The following SREBF1 variants were observed in gnomAD, a reference collection of about 807,000 sequenced individuals.
SREBF1 encodes the protein sterol regulatory element-binding protein 1.
A neutral mutation model predicts 100.1 loss-of-function variants in SREBF1; 45 were observed. The observed-to-expected ratio is 0.45, with a 90% CI of 0.35 to 0.58. SREBF1 has a LOEUF of 0.58. Among genes scored for constraint, SREBF1 ranks in the 20% least tolerant of loss-of-function variants. The pLI is 0.00. For missense variants in SREBF1, 1,324 were observed against 1,539.4 expected, an observed-to-expected ratio of 0.86 and a Z score of 2.34; for synonymous variants, 657 against 681.8, an observed-to-expected ratio of 0.96 and a Z score of 0.57.
intron 1 of SREBF1, among the ~76,000 whole-genome samples, chr17:17,827,396 T>C (rs1283938918): frequency 6.6e-6 from 1 of 152,192 alleles, no homozygotes; most frequent in African/African-American, 2.4e-5. Context: ...CCTCTCGGCC[T>C]GCTAATGGAG....
intron 10 of SREBF1, 21 bp from the exon 11 acceptor site, chr17:17,816,394 A>G: frequency 6.3e-7 from 1 of 1,595,502 alleles, no homozygotes; most frequent in Non-Finnish European, 8.5e-7. Flanking sequence ...AGCAGGCATG[A>G]GGCTGTGGGT....
intron 1 of SREBF1, chr17:17,820,787 C>T (rs57966878): frequency 0.01 from 5,391 of 525,136 alleles, 224 homozygotes; most frequent in African/African-American, 0.09. Context: ...CCACAAGGCT[C>T]ACAATCTTGC....
chr17:17,814,554 G>T, intron 15 of SREBF1, 61 bp downstream of exon 15: 1 of 1,536,066 alleles, frequency 6.5e-7, no homozygotes, highest in Non-Finnish European at 8.7e-7. Context: ...GAGGCACAGT[G>T]CCCAGGGGAT....
At position 17,811,559 on chromosome 17, in the gene SREBF1, T is replaced by A; in HGVS notation, c.*1063A>T. The stretch of plus-strand genomic sequence containing the variant: ...GCTGGGGGGGGGGGCATGAATGGAG[T>A]CAGGGAGTCGGCCTTTCACAGAACA... On this transcript the variant is annotated 3_prime_UTR_variant, in exon 19 of 19. Transcript: ENST00000261646. The A allele has an allele frequency of 3.2e-6, 1 of 310,372 alleles. No individual in the cohort carries two copies. Among genetic ancestry groups the A allele is most frequent in the Non-Finnish European group, 6.1e-6 (1 of 163,376 alleles). The allele number at this position is 310,372 out of a possible 1,614,324, so 19.2% of individuals were successfully genotyped here. A position where few individuals can be genotyped will look rare whatever the true frequency, so the allele number is the denominator to read the frequency against.
intron 6 of SREBF1, 61 bp downstream of exon 6, chr17:17,818,199 C>T: frequency 4.9e-6 from 7 of 1,430,498 alleles, no homozygotes; most frequent in Non-Finnish European, 6.9e-6. Context: ...GGGGTGGGGC[C>T]GGGAGGTGGA....
intron 1 of SREBF1, among the ~76,000 whole-genome samples, chr17:17,826,441 C>A (rs928747173): frequency 1.3e-5 from 2 of 152,122 alleles, no homozygotes; most frequent in Non-Finnish European, 1.5e-5. Context: ...CTGTGGCACC[C>A]AAATTGCGGC....
chr17:17,833,883 A>G lies in SREBF1; in HGVS notation c.91+2844T>C, dbSNP rs1598143658. Reference sequence around the variant, plus strand: ...ATCCCAGCTACTTGGGAGCTGGAGAATCTCTTGAACCTGAGAGGCAGAGTT... The same window carrying G: ...ATCCCAGCTACTTGGGAGCTGGAGAGTCTCTTGAACCTGAGAGGCAGAGTT... On this transcript the variant is annotated intron_variant, in intron 1 of 18. Coordinates refer to ENST00000261646, the MANE Select transcript of SREBF1 (RefSeq NM_004176.5). Among the ~76,000 whole-genome samples, 3 of 152,164 alleles carry G rather than the reference A, an allele frequency of 2.0e-5. No homozygotes were observed. The South Asian group carries it at 6.2e-4, about 32-fold the overall frequency.
At chr17:17,828,810 A>G (rs1380764340) in intron 1 of SREBF1, among the ~76,000 whole-genome samples, 4 of 152,138 alleles carry the variant, frequency 2.6e-5, no homozygotes. Context: ...ATTACTCTGG[A>G]GGCTGAGGTG....
rs1250349242 is a variant in SREBF1, at chr17:17,824,707, C to T, written c.92-4186G>A. The stretch of plus-strand genomic sequence containing the variant: ...CAGGCCAGCGCCTCTGCCTGGTCCA[C>T]ACCCCAGTTGGCTGCAACCTGAGAG... On this transcript the variant is annotated intron_variant, in intron 1 of 18. Transcript: ENST00000261646. The surrounding 1 kb of genome is among the most constrained non-coding windows in gnomAD (Gnocchi z 4.2). 6.6e-6 allele frequency among the ~76,000 whole-genome samples: 1 copy of T among 152,260 alleles called. No homozygotes were observed. The highest frequency in any genetic ancestry group is 2.4e-5 in the African/African-American group (1 of 41,468).
At chr17:17,813,799 C>G in intron 16 of SREBF1, 30 bp from the exon 17 acceptor site, 1 of 1,534,486 alleles carries the variant, frequency 6.5e-7, no homozygotes. Context: ...CAGGGGTCAC[C>G]AGGGCTCCAG....
At chr17:17,813,249 C>G (rs891702404) in intron 18 of SREBF1, 119 bp downstream of exon 18, 9 of 1,104,892 alleles carry the variant, frequency 8.1e-6, no homozygotes, top group African/African-American at 6.2e-5. Context: ...GTGTGAGCCA[C>G]TGCGCCAGGC....
intron 1 of SREBF1, among the ~76,000 whole-genome samples, chr17:17,833,420 C>CAAA (rs56369932): frequency 1.1e-3 from 57 of 51,080 alleles, no homozygotes; most frequent in South Asian, 2.0e-3. Context: ...GACTCCGTCT[C>CAAA]AAAAAAAAAA....
chr17:17,818,988 T>C, intron 5 of SREBF1, 25 bp downstream of exon 5: 4 of 1,608,634 alleles, frequency 2.5e-6, no homozygotes, highest in Non-Finnish European at 3.4e-6. Flanking sequence ...CACCCCGGTC[T>C]GTGCCCCTGC....
chr17:17,814,660 A>G lies in SREBF1; in HGVS notation c.2690T>C (p.Leu897Pro). ...GGGCAGGTGCTCCACCAGCGGGCAC[A>G]GCCGCTCAGCCGCCTCCTCATCCCG... ...LRRDEEAAER[L>P]CPLVEHLPRV... Residue 897 changes from leucine (L) to proline (P), a missense_variant, in exon 15 of 19, where the codon CTG becomes CCG. Coordinates refer to ENST00000261646, the MANE Select transcript of SREBF1 (RefSeq NM_004176.5). 6.4e-7 allele frequency: 1 copy of G among 1,563,060 alleles called. No homozygotes were observed. The highest frequency in any genetic ancestry group is 8.6e-7 in the Non-Finnish European group (1 of 1,158,708).
At chr17:17,820,035 T>C in intron 2 of SREBF1, 55 bp downstream of exon 2, 1 of 1,538,664 alleles carries the variant, frequency 6.5e-7, no homozygotes, top group Non-Finnish European at 8.8e-7. Context: ...AGCTTCTTCC[T>C]GTGCTCCTGG....
chr17:17,825,350 T>A (rs1162001924), intron 1 of SREBF1, among the ~76,000 whole-genome samples: 4 of 151,736 alleles, frequency 2.6e-5, no homozygotes, highest in African/African-American at 9.7e-5. Flanking sequence ...AGAGGGCGGT[T>A]GCTCTCTGAG....
chr17:17,822,910 C>T (rs888806841), intron 1 of SREBF1, among the ~76,000 whole-genome samples: 1 of 152,178 alleles, frequency 6.6e-6, no homozygotes, highest in African/African-American at 2.4e-5. Context: ...GATGGGGTGG[C>T]AGCCCCAGTC....
chr17:17,834,048 A>G (rs1567996959), intron 1 of SREBF1, among the ~76,000 whole-genome samples: 1 of 149,518 alleles, frequency 6.7e-6, no homozygotes. Flanking sequence ...AGAGAGAGAG[A>G]AGAAAAGCTC....
intron 1 of SREBF1, among the ~76,000 whole-genome samples, chr17:17,832,659 G>A (rs1190838408): frequency 6.6e-6 from 1 of 152,132 alleles, no homozygotes; most frequent in Admixed American, 6.5e-5. Flanking sequence ...AGTGGCTCAC[G>A]CCTGTAATCC....
Sources: allele counts gnomAD v4.1 joint callset (sites outside exome capture counted in the v4.1 genomes callset), GRCh38; gene constraint gnomAD v4.1.1; non-coding constraint Gnocchi (gnomAD v3.1); transcripts MANE v1.5; gene names NCBI Gene and HGNC (gene_info 2026-07-23, HGNC 2026-07-21).